The following ZBTB20 variants were observed in gnomAD, a reference collection of about 807,000 sequenced individuals.
ZBTB20 encodes the protein zinc finger and BTB domain containing 20, also known as zinc finger and BTB domain-containing protein 20.
Under a neutral mutation model 56.9 loss-of-function variants are expected in ZBTB20, and 9 were observed. The observed-to-expected ratio is 0.16, with a 90% CI of 0.10 to 0.28. The LOEUF (loss-of-function observed/expected upper bound fraction) is 0.28. Among genes scored for constraint, ZBTB20 ranks in the 10% least tolerant of loss-of-function variants. ZBTB20 has a pLI of 1.00. For missense variants in ZBTB20, 655 were observed against 1,003.0 expected (o/e 0.65, Z 4.69); for synonymous variants, 417 against 420.7 (o/e 0.99, Z 0.11).
At chr3:114,892,078 T>G (rs2076834683) in intron 4 of ZBTB20, among the ~76,000 whole-genome samples, 1 of 152,188 alleles carries the variant, frequency 6.6e-6, no homozygotes, top group African/African-American at 2.4e-5. Context: ...TCTGTGTATT[T>G]CAAAATATAT....
At chr3:114,462,830 T>C (rs565761656) in intron 7 of ZBTB20, among the ~76,000 whole-genome samples, 2 of 152,340 alleles carry the variant, frequency 1.3e-5, no homozygotes, top group East Asian at 3.9e-4. Context: ...TCTATATATG[T>C]GGAGAAAACC....
chr3:114,797,323 A>G (rs1311386933), intron 5 of ZBTB20, among the ~76,000 whole-genome samples: 2 of 151,742 alleles, frequency 1.3e-5, no homozygotes, highest in African/African-American at 2.4e-5. Context: ...ATCCTCCCAT[A>G]CATTATGGTT....
Position 114,316,279 on chromosome 3 carries a change from T to C in ZBTB20, c.*22726A>G. 2.9e-6 allele frequency: 1 copy of C among 340,642 alleles called. No homozygotes were observed. Among genetic ancestry groups the C allele is most frequent in the South Asian group, 2.4e-5 (1 of 41,958 alleles). The allele number at this position is 340,642 out of a possible 1,614,324, so 21.1% of individuals were successfully genotyped here. On this transcript the variant is annotated 3_prime_UTR_variant, in exon 12 of 12. Coordinates refer to ENST00000675478, the MANE Select transcript of ZBTB20 (RefSeq NM_001348800.3). Reference sequence around the variant, plus strand: ...CACTAACACTGTTCCTTTTTTTCCTTGTTACAATCCATTCTTTATGAACAT... The same window carrying C: ...CACTAACACTGTTCCTTTTTTTCCTCGTTACAATCCATTCTTTATGAACAT...
chr3:115,018,313 A>G (rs910109725), intron 2 of ZBTB20, among the ~76,000 whole-genome samples: 14 of 151,556 alleles, frequency 9.2e-5, no homozygotes, highest in Non-Finnish European at 1.9e-4. Flanking sequence ...AAATTTTTTA[A>G]CAAGATAAAA....
chr3:114,600,389 T>C (rs1011015020), intron 6 of ZBTB20, among the ~76,000 whole-genome samples: 2 of 152,046 alleles, frequency 1.3e-5, no homozygotes, highest in African/African-American at 4.8e-5. Flanking sequence ...GTCTGAAAAT[T>C]CCTGAGTGTA....
At chr3:114,438,473 T>G (rs1196606734) in intron 7 of ZBTB20, among the ~76,000 whole-genome samples, 3 of 150,536 alleles carry the variant, frequency 2.0e-5, no homozygotes, top group African/African-American at 7.3e-5. Context: ...GAGACAGCTA[T>G]AGAGTTTCTG....
intron 10 of ZBTB20, chr3:114,378,839 A>C (rs762063721): frequency 3.3e-5 from 5 of 152,270 alleles, no homozygotes; most frequent in Admixed American, 6.5e-5. Context: ...GGATGTGACT[A>C]TTAGGACGGT....
At chr3:115,092,244 T>C (rs920028864) in intron 1 of ZBTB20, among the ~76,000 whole-genome samples, 1 of 151,976 alleles carries the variant, frequency 6.6e-6, no homozygotes, top group African/African-American at 2.4e-5. Flanking sequence ...TTTGCAAATG[T>C]CCTGTTTTTT....
At position 114,600,277 on chromosome 3, in the gene ZBTB20, CA is replaced by C. The variant is rs1173046574; in HGVS notation, c.-295+93250del. ...ATTGAGATGAAGACCTGATGTAAGG[CA>C]GGGGTTCAGGTGGAGGCTGGGTCTA... On this transcript the variant is annotated intron_variant, in intron 6 of 11. Coordinates refer to ENST00000675478, the MANE Select transcript of ZBTB20 (RefSeq NM_001348800.3). Among the ~76,000 whole-genome samples the C allele has an allele frequency of 3.3e-5, 5 of 152,076 alleles. No homozygotes were observed. In the East Asian group the frequency reaches 5.8e-4, roughly 18 times the overall value.
At chr3:114,493,118 A>T (rs2042916772) in intron 7 of ZBTB20, among the ~76,000 whole-genome samples, 1 of 152,248 alleles carries the variant, frequency 6.6e-6, no homozygotes, top group Non-Finnish European at 1.5e-5. Flanking sequence ...TATAGATAAG[A>T]ATCGTAACAG....
rs568381985 is a variant in ZBTB20, at chr3:114,640,820, G to A, written c.-295+52708C>T. On this transcript the variant is annotated intron_variant, in intron 6 of 11. Transcript: ENST00000675478. ...AATCTCAGAGCTTTAATCAGAAAAA[G>A]TTTATTTTAAGATGACAACAAAATT... Among the ~76,000 whole-genome samples the A allele has an allele frequency of 5.9e-5, 9 of 152,030 alleles. No homozygotes were observed. The South Asian group carries it at 8.3e-4, about 14-fold the overall frequency.
At chr3:115,053,038 ACT>A (rs911208325) in intron 2 of ZBTB20, among the ~76,000 whole-genome samples, 4 of 152,084 alleles carry the variant, frequency 2.6e-5, no homozygotes, top group Non-Finnish European at 4.4e-5. Context: ...ACTGCCTATA[ACT>A]CTCTCTGTTG....
intron 10 of ZBTB20, among the ~76,000 whole-genome samples, chr3:114,354,578 G>GTT (rs1460751178): frequency 1.1e-5 from 1 of 93,218 alleles, no homozygotes; most frequent in African/African-American, 3.8e-5. Flanking sequence ...TTTTTGTTTT[G>GTT]TTTTGTTTGT....
intron 5 of ZBTB20, among the ~76,000 whole-genome samples, chr3:114,740,311 A>C (rs1483464789): frequency 6.6e-6 from 1 of 152,222 alleles, no homozygotes; most frequent in Non-Finnish European, 1.5e-5. Context: ...GACAATAGAA[A>C]CTATTAGCAT....
intron 11 of ZBTB20, among the ~76,000 whole-genome samples, chr3:114,340,524 C>T (rs963566815): frequency 2.1e-4 from 32 of 152,208 alleles, no homozygotes; most frequent in African/African-American, 7.5e-4. Context: ...AAGTTTGTTA[C>T]AAACAGTAAG....
At chr3:114,836,000 C>A (rs2074103181) in intron 4 of ZBTB20, among the ~76,000 whole-genome samples, 1 of 152,124 alleles carries the variant, frequency 6.6e-6, no homozygotes, top group African/African-American at 2.4e-5. Context: ...AAACAACGAT[C>A]CATTCAAATG....
intron 3 of ZBTB20, among the ~76,000 whole-genome samples, chr3:114,908,646 T>A (rs1246806116): frequency 6.6e-6 from 1 of 151,820 alleles, no homozygotes; most frequent in Non-Finnish European, 1.5e-5. Flanking sequence ...AGTCAGCAGA[T>A]GAAAAACTTT....
chr3:114,422,449 G>A (rs1576685227), intron 7 of ZBTB20, among the ~76,000 whole-genome samples: 2 of 152,138 alleles, frequency 1.3e-5, no homozygotes, highest in East Asian at 3.9e-4. Flanking sequence ...ATTTGACATG[G>A]AATATGAATT....
intron 7 of ZBTB20, among the ~76,000 whole-genome samples, chr3:114,392,175 C>T (rs1426471915): frequency 6.6e-6 from 1 of 151,950 alleles, no homozygotes; most frequent in Non-Finnish European, 1.5e-5. Flanking sequence ...TTAATGGGTA[C>T]AAAAAATAGA....
Sources: gnomAD v4.1 joint callset for allele counts (sites outside exome capture counted in the v4.1 genomes callset) on GRCh38, gnomAD v4.1.1 for gene constraint, MANE v1.5 for transcripts, NCBI Gene and HGNC (gene_info 2026-07-23, HGNC 2026-07-21) for gene names.